Variants in ZNF726 observed in about 807,000 individuals in gnomAD.
The protein encoded by ZNF726 is zinc finger protein 726.
Under a neutral mutation model 11.6 loss-of-function variants are expected in ZNF726, and 15 were observed. The ratio of observed to expected loss-of-function variants is 1.29; its 90% CI spans 0.86 to 1.99. The LOEUF (loss-of-function observed/expected upper bound fraction) is 1.99. Ranked by LOEUF, ZNF726 falls within the 30% of genes most tolerant of loss-of-function variation. The pLI is 0.00. For missense variants in ZNF726, 890 were observed against 725.6 expected (o/e 1.23, Z -2.60); for synonymous variants, 295 against 243.6 (o/e 1.21, Z -1.96).
At position 23,933,372 on chromosome 19, in the gene ZNF726, A is replaced by G. The variant is rs549829282; in HGVS notation, c.1256A>G (p.His419Arg). 86 of 1,613,016 alleles carry G rather than the reference A, an allele frequency of 5.3e-5. No homozygotes were observed. The African/African-American group carries it at 9.2e-4, about 17-fold the overall frequency. Residue 419 changes from histidine (H) to arginine (R), a missense_variant, in exon 4 of 4, where the codon CAT (histidine) becomes CGT (arginine). By Grantham distance (29) the His-to-Arg change is conservative. Coordinates refer to ENST00000594466, the MANE Select transcript of ZNF726 (RefSeq NM_001244038.2). ...SSNLTKHKII[H>R]TGEKPYKCEE... ...AATCTTACTAAACATAAGATAATTC[A>G]TACTGGAGAGAAACCTTACAAGTGT...
intron 1 of ZNF726, among the ~76,000 whole-genome samples, chr19:23,918,028 C>T (rs948142436): frequency 2.2e-4 from 34 of 152,062 alleles, no homozygotes; most frequent in African/African-American, 7.2e-4. Flanking sequence ...TGGCTAAACC[C>T]GGTTGGCTAA....
intron 3 of ZNF726, among the ~76,000 whole-genome samples, chr19:23,940,069 T>A (rs1231833037): frequency 6.6e-6 from 1 of 152,082 alleles, no homozygotes; most frequent in Non-Finnish European, 1.5e-5. Flanking sequence ...CTGCGTTTGC[T>A]TTTGGTCATG....
At chr19:23,931,420 C>T (rs1337503362) in intron 3 of ZNF726, among the ~76,000 whole-genome samples, 1 of 151,982 alleles carries the variant, frequency 6.6e-6, no homozygotes, top group Admixed American at 6.6e-5. Flanking sequence ...TGTGATTTTC[C>T]ATACTTGTCT....
In ZNF726 at chr19:23,920,031, G is replaced by C; in HGVS notation, c.175G>C (p.Glu59Gln). Reference sequence around the variant, plus strand: ...AGACCTCATCATCTGTCTGGAGAAAGAAAAAGAGCCCTGGAATATGAAGCG... The same window carrying C: ...AGACCTCATCATCTGTCTGGAGAAACAAAAAGAGCCCTGGAATATGAAGCG... ...KPDLIICLEK[E>Q]KEPWNMKRDE... Residue 59 changes from glutamate to glutamine, a missense_variant, in exon 3 of 4, where the codon GAA (glutamate) becomes CAA (glutamine). Transcript: ENST00000594466. 1 of 1,590,536 alleles carries C rather than the reference G, an allele frequency of 6.3e-7. No homozygotes were observed. The highest frequency in any genetic ancestry group is 8.6e-7 in the Non-Finnish European group (1 of 1,166,380).
chr19:23,915,145 G>A, intron 1 of ZNF726, 148 bp downstream of exon 1: 1 of 1,195,628 alleles, frequency 8.4e-7, no homozygotes, highest in South Asian at 1.4e-5. Context: ...AGTCCCTTCA[G>A]CCTTAAGATG....
intron 3 of ZNF726, chr19:23,923,841 G>A (rs1466183168): frequency 6.6e-6 from 1 of 152,586 alleles, no homozygotes; most frequent in East Asian, 1.9e-4. Flanking sequence ...GTTTTTTGTA[G>A]TGTAAGTTTC....
intron 1 of ZNF726, among the ~76,000 whole-genome samples, chr19:23,916,079 C>T (rs570469118): frequency 6.6e-6 from 1 of 152,258 alleles, no homozygotes; most frequent in South Asian, 2.1e-4. Context: ...AATCTAATTT[C>T]CTGCCACTTA....
chr19:23,934,394 GA>G lies in ZNF726; in HGVS notation c.*432del. On this transcript the variant is annotated 3_prime_UTR_variant, in exon 4 of 4. Coordinates refer to ENST00000594466, the MANE Select transcript of ZNF726 (RefSeq NM_001244038.2). ...TACTGAAGAGAAACCCTACAAATGTGAAAAATGTGTCAAAGCCTTTAAGCAG... is the reference window on the plus strand; with the variant it reads ...TACTGAAGAGAAACCCTACAAATGTGAAAATGTGTCAAAGCCTTTAAGCAG... 4.0e-6 allele frequency: 2 copies of G among 499,030 alleles called. No homozygotes were observed. The highest frequency in any genetic ancestry group is 8.2e-6 in the Non-Finnish European group (2 of 245,368). The allele number at this position is 499,030 out of a possible 1,614,324, so 30.9% of individuals were successfully genotyped here.
At chr19:23,926,596 T>A (rs1170563196) in intron 3 of ZNF726, among the ~76,000 whole-genome samples, 1 of 151,556 alleles carries the variant, frequency 6.6e-6, no homozygotes, top group African/African-American at 2.4e-5. Context: ...AAAAGTTATC[T>A]TCCTATGTCT....
At position 23,932,944 on chromosome 19, in the gene ZNF726, G is replaced by C. The variant is rs772956590; in HGVS notation, c.828G>C (p.Lys276Asn). The C allele has an allele frequency of 2.5e-6, 4 of 1,611,598 alleles. No individual in the cohort carries two copies. Among genetic ancestry groups the C allele is most frequent in the Non-Finnish European group, 3.4e-6 (4 of 1,179,588 alleles). Reference protein sequence around the residue: ...FSQSSTLTIHKRIHTGEKPCK... With the variant: ...FSQSSTLTIHNRIHTGEKPCK... ...AATCCTCAACACTAACCATACATAA[G>C]AGGATACATACTGGAGAGAAACCCT... Residue 276 changes from lysine to asparagine, a missense_variant, in exon 4 of 4, where the codon AAG (lysine) becomes AAC (asparagine). Coordinates refer to ENST00000594466, the MANE Select transcript of ZNF726 (RefSeq NM_001244038.2).
chr19:23,923,468 G>A, intron 3 of ZNF726: 1 of 346,854 alleles, frequency 2.9e-6, no homozygotes, highest in Non-Finnish European at 5.4e-6. Flanking sequence ...CTGGAGTGCA[G>A]TGGCGTGATC....
chr19:23,916,886 C>T (rs1325771365), intron 1 of ZNF726, among the ~76,000 whole-genome samples: 1 of 151,948 alleles, frequency 6.6e-6, no homozygotes, highest in East Asian at 1.9e-4. Flanking sequence ...AATGGCCTGA[C>T]TTGACACATG....
In ZNF726 at chr19:23,919,700, G is replaced by A. The variant is rs567153932; in HGVS notation, c.130+201G>A. Reference sequence around the variant, plus strand: ...ATTCCTGAGCTGATCTGTGTCTTTCGCTTTAGATTAGTGGTAATTTCAGAA... The same window carrying A: ...ATTCCTGAGCTGATCTGTGTCTTTCACTTTAGATTAGTGGTAATTTCAGAA... On this transcript the variant is annotated intron_variant, in intron 2 of 3. Transcript: ENST00000594466. 395 of 618,936 alleles carry A rather than the reference G, an allele frequency of 6.4e-4. 4 individuals carry two copies. The South Asian group carries it at 0.01, about 16-fold the overall frequency. The allele number at this position is 618,936 out of a possible 1,614,324, so 38.3% of individuals were successfully genotyped here.
At chr19:23,916,939 T>C (rs1227738067) in intron 1 of ZNF726, among the ~76,000 whole-genome samples, 4 of 152,186 alleles carry the variant, frequency 2.6e-5, no homozygotes, top group Non-Finnish European at 5.9e-5. Flanking sequence ...TTCATTTGCT[T>C]TGACCTAAAG....
chr19:23,933,020 A>G lies in ZNF726; in HGVS notation c.904A>G (p.Ile302Val). ...ATTTAGCCAACCCTCAGCACTAACC[A>G]TACATAAGAGGATGCACATTGGAGA... is the stretch of plus-strand genomic sequence containing the variant. Reference protein sequence around the residue: ...KAFSQPSALTIHKRMHIGEKP... With the variant: ...KAFSQPSALTVHKRMHIGEKP... The change falls in exon 4 of 4, where the codon ATA becomes GTA. Residue 302 changes from isoleucine to valine, a missense_variant. Transcript: ENST00000594466. 1 of 1,613,258 alleles carries G rather than the reference A, an allele frequency of 6.2e-7. No homozygotes were observed. Among genetic ancestry groups the G allele is most frequent in the Non-Finnish European group, 8.5e-7 (1 of 1,179,926 alleles).
chr19:23,920,225 C>T, intron 3 of ZNF726, 143 bp downstream of exon 3: 1 of 447,672 alleles, frequency 2.2e-6, no homozygotes, highest in Non-Finnish European at 4.1e-6. Flanking sequence ...AATATACTCT[C>T]AGATAGGGGC....
downstream of ZNF726, among the ~76,000 whole-genome samples, chr19:23,939,202 T>C (rs948823494): frequency 6.6e-6 from 1 of 151,936 alleles, no homozygotes; most frequent in Non-Finnish European, 1.5e-5. Flanking sequence ...CTCCCACATA[T>C]CAGCAAGAAC....
chr19:23,933,720 A>G lies in ZNF726; in HGVS notation c.1604A>G (p.Lys535Arg). The G allele has an allele frequency of 6.2e-7, 1 of 1,612,538 alleles. No homozygotes were observed. Among genetic ancestry groups the G allele is most frequent in the Non-Finnish European group, 8.5e-7 (1 of 1,179,990 alleles). The change falls in exon 4 of 4, where the codon AAA (lysine) becomes AGA (arginine). Residue 535 changes from lysine to arginine, a missense_variant. Lys to Arg is a conservative substitution (Grantham distance 26, BLOSUM62 2). Transcript: ENST00000594466. ...CATAAGAGGATTCACACTGGAGAGAAACCCTACAAATGTGAAGAATGTGGC... is the reference window on the plus strand; with the variant it reads ...CATAAGAGGATTCACACTGGAGAGAGACCCTACAAATGTGAAGAATGTGGC... ...SKHKRIHTGE[K>R]PYKCEECGKT... is the part of the protein sequence containing the mutation.
At chr19:23,938,922 A>G (rs1487208742), downstream of ZNF726, among the ~76,000 whole-genome samples, 2 of 152,016 alleles carry the variant, frequency 1.3e-5, no homozygotes, top group Non-Finnish European at 2.9e-5. Context: ...GTAATAGTTT[A>G]TGAAATATTC....
Sources: gnomAD v4.1 joint callset for allele counts (sites outside exome capture counted in the v4.1 genomes callset) on GRCh38, gnomAD v4.1.1 for gene constraint, MANE v1.5 for transcripts, NCBI Gene and HGNC (gene_info 2026-07-23, HGNC 2026-07-21) for gene names.